The following SLC38A6 variants were observed in gnomAD, a reference collection of about 807,000 sequenced individuals.
The protein encoded by SLC38A6 is solute carrier family 38 member 6, also known as N system amino acid transporter NAT-1.
Under a neutral mutation model 65.0 loss-of-function variants are expected in SLC38A6, and 73 were observed. That is an observed-to-expected ratio of 1.12 (90% CI 0.93 to 1.37). The LOEUF is 1.37. Among genes scored for constraint, SLC38A6 ranks in the 40% most tolerant of loss-of-function variants. The pLI, the probability that SLC38A6 is intolerant of heterozygous loss-of-function variation, is 0.00. For missense variants in SLC38A6, 561 were observed against 531.1 expected (o/e 1.06, Z -0.55); for synonymous variants, 183 against 178.8 (o/e 1.02, Z -0.19).
In SLC38A6 at chr14:60,989,040, C is replaced by CCTTT. The variant is rs111691448; in HGVS notation, c.310+4239_310+4240insTTCT. Among the ~76,000 whole-genome samples, 1,301 of 152,290 alleles carry CCTTT rather than the reference C, an allele frequency of 8.5e-3. 21 individuals carry two copies. The highest frequency in any genetic ancestry group is 0.03 in the African/African-American group (1,227 of 41,558). ...AGGAGATTGCTTTTTTATATCTTCT[C>CCTTT]CTGTCAAACCTTCGACACTTTTTTC... On this transcript the variant is annotated intron_variant, in intron 3 of 15. Coordinates refer to ENST00000267488, the MANE Select transcript of SLC38A6 (RefSeq NM_153811.3).
rs35775203 is a variant in SLC38A6 at position 61,066,998 on chromosome 14, GA to G, written c.1291-11806del. ...TGTAAGACATACATACATCTTGCTT[GA>G]AAAAAGTTCAGATACAACTTTTATT... is the stretch of plus-strand genomic sequence containing the variant. On this transcript the variant is annotated intron_variant, in intron 15 of 16. Coordinates refer to the SLC38A6 transcript ENST00000354886. 3.9e-5 allele frequency among the ~76,000 whole-genome samples: 6 copies of G among 151,968 alleles called. No individual in the cohort carries two copies. In the South Asian group the frequency reaches 1.0e-3, roughly 26 times the overall value.
chr14:61,015,374 A>G (rs1441342292), intron 3 of SLC38A6, among the ~76,000 whole-genome samples: 1 of 151,888 alleles, frequency 6.6e-6, no homozygotes, highest in African/African-American at 2.4e-5. Flanking sequence ...TGCTCGGTTC[A>G]CTGCACCCAC....
At chr14:60,983,705 A>G (rs950258488) in intron 2 of SLC38A6, among the ~76,000 whole-genome samples, 2 of 152,188 alleles carry the variant, frequency 1.3e-5, no homozygotes, top group African/African-American at 2.4e-5. Context: ...TGCTTTTATT[A>G]TGGAATGTAC....
intron 15 of SLC38A6, among the ~76,000 whole-genome samples, chr14:61,066,903 AATTC>A (rs1460496042): frequency 1.3e-5 from 2 of 152,280 alleles, no homozygotes; most frequent in African/African-American, 4.8e-5. Flanking sequence ...AGGGCTGGCT[AATTC>A]ATTCAGCAAA....
chr14:61,045,307 T>C, intron 10 of SLC38A6, 39 bp from the exon 11 acceptor site: 3 of 1,267,378 alleles, frequency 2.4e-6, no homozygotes, highest in Non-Finnish European at 3.5e-6. Context: ...TTCAGTAGAG[T>C]GGCATTTAAT....
In SLC38A6 at chr14:60,984,796, T is replaced by A; in HGVS notation, c.303T>A (p.Ile101=). The A allele has an allele frequency of 6.2e-7, 1 of 1,613,674 alleles. No individual in the cohort carries two copies. The highest frequency in any genetic ancestry group is 1.7e-5 in the Admixed American group (1 of 60,032). The change falls in exon 3 of 16, where the codon ATT becomes ATA. Residue 101 remains isoleucine, a synonymous_variant. Coordinates refer to ENST00000267488, the MANE Select transcript of SLC38A6 (RefSeq NM_153811.3). ...YSVHLLLSMC[I]QTAVTSYEDL... is the part of the protein sequence containing the mutation. ...TCCATCTTCTGCTTAGTATGTGTATTCAGACAGGTGAGTAAAAATGTTATG... is the reference window on the plus strand; with the variant it reads ...TCCATCTTCTGCTTAGTATGTGTATACAGACAGGTGAGTAAAAATGTTATG...
chr14:61,001,649 G>A (rs934249511), intron 3 of SLC38A6, among the ~76,000 whole-genome samples: 1 of 151,992 alleles, frequency 6.6e-6, no homozygotes, highest in Non-Finnish European at 1.5e-5. Context: ...TTTGGTGATT[G>A]CCTCTCTAAG....
chr14:61,069,449 G>A (rs2182981), intron 15 of SLC38A6, among the ~76,000 whole-genome samples: 8 of 151,874 alleles, frequency 5.3e-5, no homozygotes, highest in South Asian at 4.2e-4. Flanking sequence ...CCTTTCTTAC[G>A]TATGTTCTAC....
chr14:61,035,528 T>C (rs1355294384), intron 6 of SLC38A6, among the ~76,000 whole-genome samples: 1 of 152,190 alleles, frequency 6.6e-6, no homozygotes, highest in African/African-American at 2.4e-5. Flanking sequence ...TTCTCTATTT[T>C]ATTTTCTTAG....
intron 16 of SLC38A6, among the ~76,000 whole-genome samples, chr14:61,080,247 A>T (rs2043590658): frequency 6.6e-6 from 1 of 152,098 alleles, no homozygotes; most frequent in Non-Finnish European, 1.5e-5. Flanking sequence ...CCCACCCACT[A>T]TACACACCTA....
chr14:60,982,266 C>T (rs761808573), intron 1 of SLC38A6: 1 of 549,244 alleles, frequency 1.8e-6, no homozygotes, highest in Non-Finnish European at 3.5e-6. Flanking sequence ...CCTTCCTGAA[C>T]TCTGCCTGTC....
chr14:61,018,508 A>G (rs1015063760), intron 4 of SLC38A6, among the ~76,000 whole-genome samples: 1 of 152,206 alleles, frequency 6.6e-6, no homozygotes, highest in African/African-American at 2.4e-5. Context: ...TAGAATTCCT[A>G]ACAAAGATGG....
chr14:60,982,327 T>TG (rs747503479), intron 1 of SLC38A6, 181 bp from the exon 2 acceptor site: 253 of 714,084 alleles, frequency 3.5e-4, no homozygotes, highest in Non-Finnish European at 5.7e-4. Context: ...TTCCTGGAGC[T>TG]GCAGTAGTGG....
intron 3 of SLC38A6, among the ~76,000 whole-genome samples, chr14:60,994,344 G>T (rs140055793): frequency 6.6e-6 from 1 of 150,484 alleles, no homozygotes; most frequent in Non-Finnish European, 1.5e-5. Context: ...TTGGGAGATC[G>T]AGACCAACCT....
intron 5 of SLC38A6, among the ~76,000 whole-genome samples, chr14:61,024,788 C>T (rs1166966987): frequency 6.6e-6 from 1 of 152,184 alleles, no homozygotes; most frequent in East Asian, 1.9e-4. Flanking sequence ...GTCTTATTAA[C>T]TCTTACAAGC....
intron 15 of SLC38A6, among the ~76,000 whole-genome samples, chr14:61,073,382 A>G (rs1422570957): frequency 6.6e-6 from 1 of 152,006 alleles, no homozygotes; most frequent in Non-Finnish European, 1.5e-5. Context: ...TGGCCTAATC[A>G]CCTCTTAAAG....
intron 12 of SLC38A6, among the ~76,000 whole-genome samples, chr14:61,049,252 C>T (rs2042357151): frequency 6.6e-6 from 1 of 152,184 alleles, no homozygotes; most frequent in South Asian, 2.1e-4. Context: ...AACTGTATTA[C>T]TAGGTCTGAA....
At chr14:60,992,616 C>T (rs1409766884) in intron 3 of SLC38A6, among the ~76,000 whole-genome samples, 1 of 152,094 alleles carries the variant, frequency 6.6e-6, no homozygotes, top group Non-Finnish European at 1.5e-5. Context: ...AACATATATT[C>T]ATCTGGGGAC....
rs183220296 is a variant in SLC38A6 at position 61,001,566 on chromosome 14, C to G, written c.311-14338C>G. On this transcript the variant is annotated intron_variant, in intron 3 of 15. Coordinates refer to ENST00000267488, the MANE Select transcript of SLC38A6 (RefSeq NM_153811.3). ...ACTTATGCAGAACTTAGAACAGTTC[C>G]CCACCCATTCTTCCCTAGTTTTATC... Among the ~76,000 whole-genome samples the G allele has an allele frequency of 2.9e-3, 444 of 152,200 alleles. 4 individuals are homozygous for G. The highest frequency in any genetic ancestry group is 0.01 in the African/African-American group (423 of 41,526).
Sources: allele counts gnomAD v4.1 joint callset (sites outside exome capture counted in the v4.1 genomes callset), GRCh38; gene constraint gnomAD v4.1.1; transcripts MANE v1.5; gene names NCBI Gene and HGNC (gene_info 2026-07-23, HGNC 2026-07-21).